The following SLC24A2 variants were observed in gnomAD, a reference collection of about 807,000 sequenced individuals.
The protein encoded by SLC24A2 is sodium/potassium/calcium exchanger 2.
A neutral mutation model predicts 62.0 loss-of-function variants in SLC24A2; 36 were observed. The observed-to-expected ratio is 0.58, with a 90% CI of 0.44 to 0.77. The LOEUF is 0.77. Among genes scored for constraint, SLC24A2 ranks in the 30% least tolerant of loss-of-function variants. The pLI is 0.00. For synonymous variants in SLC24A2, 358 were observed against 294.0 expected (o/e 1.22, Z -2.23); for missense variants, 846 against 817.9 (o/e 1.03, Z -0.42).
At chr9:19,562,565 CA>C (rs1164796323) in intron 7 of SLC24A2, among the ~76,000 whole-genome samples, 1 of 152,082 alleles carries the variant, frequency 6.6e-6, no homozygotes, top group African/African-American at 2.4e-5. Flanking sequence ...GCATCTTAAG[CA>C]GTTGGTAAAT....
the SLC24A2 span, among the ~76,000 whole-genome samples, chr9:19,945,792 G>A: frequency 6.6e-6 from 1 of 152,092 alleles, no homozygotes. Context: ...TTAAAATGGA[G>A]GTTTCTTCCC....
the SLC24A2 span, among the ~76,000 whole-genome samples, chr9:19,814,051 C>T: frequency 6.6e-6 from 1 of 152,068 alleles, no homozygotes; most frequent in Non-Finnish European, 1.5e-5. Flanking sequence ...CCCTTAATGG[C>T]TTTAAACATA....
the SLC24A2 span, among the ~76,000 whole-genome samples, chr9:20,229,540 G>A: frequency 4.6e-5 from 7 of 152,052 alleles, no homozygotes; most frequent in Non-Finnish European, 7.4e-5. Flanking sequence ...CAATGTGCCA[G>A]ACACTAAGCA....
At chr9:20,015,333 T>A in the SLC24A2 span, among the ~76,000 whole-genome samples, 1 of 152,198 alleles carries the variant, frequency 6.6e-6, no homozygotes, top group African/African-American at 2.4e-5. Flanking sequence ...GGTAGCCTTG[T>A]AGATGCAGGT....
chr9:19,792,536 CAAAAAAAAAA>C (rs1165695410), upstream of SLC24A2, among the ~76,000 whole-genome samples: 1 of 74,612 alleles, frequency 1.3e-5, no homozygotes, highest in Non-Finnish European at 2.6e-5. Context: ...ACTAAAAATA[CAAAAAAAAAA>C]AAAAAAAAAA....
chr9:19,949,879 G>A, the SLC24A2 span, among the ~76,000 whole-genome samples: 1 of 152,318 alleles, frequency 6.6e-6, no homozygotes, highest in South Asian at 2.1e-4. Flanking sequence ...CAGTCTGCAT[G>A]TTTATGAAAG....
the SLC24A2 span, among the ~76,000 whole-genome samples, chr9:20,286,115 G>C: frequency 6.6e-6 from 1 of 152,178 alleles, no homozygotes; most frequent in African/African-American, 2.4e-5. Flanking sequence ...TGCCTGCACT[G>C]AGCTATGCAT....
chr9:19,990,845 G>T, the SLC24A2 span, among the ~76,000 whole-genome samples: 1 of 102,784 alleles, frequency 9.7e-6, no homozygotes, highest in Non-Finnish European at 2.2e-5. Flanking sequence ...TAGCTGTCTT[G>T]GTTATCAAAA....
chr9:20,143,770 G>C, the SLC24A2 span, among the ~76,000 whole-genome samples: 1 of 152,134 alleles, frequency 6.6e-6, no homozygotes, highest in African/African-American at 2.4e-5. Context: ...TTTCCAAATT[G>C]GTATTCTGAA....
chr9:19,983,769 G>C, the SLC24A2 span, among the ~76,000 whole-genome samples: 4 of 152,084 alleles, frequency 2.6e-5, no homozygotes, highest in South Asian at 6.2e-4. Context: ...AATGAATCTA[G>C]AATATAAAAA....
the SLC24A2 span, among the ~76,000 whole-genome samples, chr9:20,064,934 G>A: frequency 1.3e-5 from 2 of 152,184 alleles, no homozygotes; most frequent in African/African-American, 4.8e-5. Flanking sequence ...AGTGATACCA[G>A]CCTAGAGGAG....
chr9:19,698,710 G>C (rs547744387), intron 2 of SLC24A2, among the ~76,000 whole-genome samples: 1 of 152,156 alleles, frequency 6.6e-6, no homozygotes, highest in African/African-American at 2.4e-5. Context: ...CAGTATGAAA[G>C]GTGGGAAGGG....
intron 9 of SLC24A2, among the ~76,000 whole-genome samples, chr9:19,522,503 A>T (rs567067492): frequency 2.6e-5 from 4 of 152,302 alleles, no homozygotes; most frequent in East Asian, 1.9e-4. Flanking sequence ...AATCCTTTTT[A>T]AAAAAATTCT....
rs59489637 is a variant in SLC24A2, at chr9:19,573,485, A to AACACAC, written c.1229-22_1229-17dup. 6.6e-3 allele frequency: 5,355 copies of AACACAC among 812,576 alleles called. 37 individuals carry two copies. The highest frequency in any genetic ancestry group is 7.1e-3 in the Non-Finnish European group (3,437 of 484,102). The allele number at this position is 812,576 out of a possible 1,614,324, so 50.3% of individuals were successfully genotyped here. ...TCAATTTTTTCTGTGATATAATTTA[A>AACACAC]ACACACACACACACACACACACACA... On this transcript the variant is annotated splice_polypyrimidine_tract_variant and intron_variant, in intron 6 of 10. Coordinates refer to ENST00000341998, the MANE Select transcript of SLC24A2 (RefSeq NM_020344.4).
chr9:19,988,515 A>G, the SLC24A2 span, among the ~76,000 whole-genome samples: 1 of 152,218 alleles, frequency 6.6e-6, no homozygotes, highest in Admixed American at 6.5e-5. Flanking sequence ...CGTTCCATTA[A>G]GCAGGGTCTG....
the SLC24A2 span, among the ~76,000 whole-genome samples, chr9:20,143,904 C>T: frequency 6.6e-6 from 1 of 152,178 alleles, no homozygotes; most frequent in African/African-American, 2.4e-5. Context: ...AGAATTCACT[C>T]AACACTGCCG....
chr9:20,307,414 A>T, the SLC24A2 span, among the ~76,000 whole-genome samples: 1 of 152,200 alleles, frequency 6.6e-6, no homozygotes, highest in Non-Finnish European at 1.5e-5. Flanking sequence ...TGTCCTCCTG[A>T]AAACCAATTC....
intron 4 of SLC24A2, 77 bp from the exon 5 acceptor site, chr9:19,597,356 T>C: frequency 2.0e-6 from 2 of 987,536 alleles, no homozygotes; most frequent in Non-Finnish European, 3.3e-6. Context: ...ACATTTTTAA[T>C]TAATCAGATT....
At chr9:19,665,265 G>A (rs1040802647) in intron 2 of SLC24A2, among the ~76,000 whole-genome samples, 9 of 152,218 alleles carry the variant, frequency 5.9e-5, no homozygotes, top group African/African-American at 1.7e-4. Flanking sequence ...AAAAGTAGGC[G>A]GTTTACGCTC....
Sources: allele counts gnomAD v4.1 joint callset (sites outside exome capture counted in the v4.1 genomes callset), GRCh38; gene constraint gnomAD v4.1.1; transcripts MANE v1.5; gene names NCBI Gene and HGNC (gene_info 2026-07-23, HGNC 2026-07-21).